The following BCKDHB variants were observed in gnomAD, a reference collection of about 807,000 sequenced individuals.
BCKDHB encodes the protein branched chain keto acid dehydrogenase E1 subunit beta.
A neutral mutation model predicts 48.5 loss-of-function variants in BCKDHB; 41 were observed. That is an observed-to-expected ratio of 0.85 (90% CI 0.66 to 1.10). The LOEUF is 1.10. BCKDHB is among the 50% of genes least tolerant of loss of function. The probability of loss-of-function intolerance (pLI) is 0.00; values close to 1 mark genes in which losing one functional copy is unlikely to be tolerated. For synonymous variants in BCKDHB, 201 were observed against 174.8 expected (o/e 1.15, Z -1.18); for missense variants, 496 against 494.2 (o/e 1.00, Z -0.03).
At chr6:80,225,940 C>T (rs1484535031) in intron 8 of BCKDHB, among the ~76,000 whole-genome samples, 4 of 152,132 alleles carry the variant, frequency 2.6e-5, no homozygotes, top group Non-Finnish European at 2.9e-5. Flanking sequence ...ATAATGTTAA[C>T]TGTGCTTTAT....
intron 6 of BCKDHB, among the ~76,000 whole-genome samples, chr6:80,187,830 G>C (rs1372580280): frequency 2.0e-4 from 30 of 152,178 alleles, no homozygotes; most frequent in Admixed American, 2.0e-3. Flanking sequence ...GAAATTAAGA[G>C]ATGCTGGTGA....
chr6:80,221,931 C>T (rs1228543914), intron 8 of BCKDHB, among the ~76,000 whole-genome samples: 2 of 152,084 alleles, frequency 1.3e-5, no homozygotes, highest in South Asian at 2.1e-4. Flanking sequence ...CTTCCAATGG[C>T]GTTTCCTAAT....
At chr6:80,405,653 G>C in the BCKDHB span, among the ~76,000 whole-genome samples, 1 of 151,838 alleles carries the variant, frequency 6.6e-6, no homozygotes, top group Non-Finnish European at 1.5e-5. Context: ...TTGCAGTGCA[G>C]TGGTATGCTT....
chr6:80,189,255 T>A (rs1304444449), intron 6 of BCKDHB, among the ~76,000 whole-genome samples: 1 of 152,216 alleles, frequency 6.6e-6, no homozygotes, highest in East Asian at 1.9e-4. Flanking sequence ...TTTTTCTTTT[T>A]GAATTGATCA....
chr6:80,438,040 G>T, the BCKDHB span, among the ~76,000 whole-genome samples: 1 of 152,132 alleles, frequency 6.6e-6, no homozygotes, highest in African/African-American at 2.4e-5. Context: ...TAATAGAAAG[G>T]ATGAAACTCT....
the BCKDHB span, among the ~76,000 whole-genome samples, chr6:80,460,276 T>C: frequency 1.3e-5 from 2 of 152,130 alleles, no homozygotes; most frequent in Non-Finnish European, 2.9e-5. Flanking sequence ...TTTAAGACAA[T>C]AATAAAATTG....
chr6:80,368,919 A>G, the BCKDHB span, among the ~76,000 whole-genome samples: 1 of 151,896 alleles, frequency 6.6e-6, no homozygotes, highest in Admixed American at 6.6e-5. Context: ...AGGCTGAGGC[A>G]GGAGAATCAT....
intron 3 of BCKDHB, among the ~76,000 whole-genome samples, chr6:80,166,489 T>G (rs752034920): frequency 6.6e-5 from 10 of 151,646 alleles, no homozygotes; most frequent in Non-Finnish European, 1.2e-4. Flanking sequence ...AACCCCGTCT[T>G]TCCTAAAAAT....
chr6:80,337,298 C>G (rs1198560300), intron 9 of BCKDHB, among the ~76,000 whole-genome samples: 1 of 152,056 alleles, frequency 6.6e-6, no homozygotes, highest in Non-Finnish European at 1.5e-5. Context: ...TCTGTGAGTT[C>G]ACGGACTTCA....
intron 8 of BCKDHB, among the ~76,000 whole-genome samples, chr6:80,223,584 C>T (rs1456920270): frequency 2.6e-5 from 4 of 151,954 alleles, no homozygotes; most frequent in African/African-American, 9.7e-5. Context: ...CCTTAGTATA[C>T]CATTAATTCT....
At chr6:80,212,975 C>T (rs1179640256) in intron 8 of BCKDHB, among the ~76,000 whole-genome samples, 1 of 152,158 alleles carries the variant, frequency 6.6e-6, no homozygotes, top group Non-Finnish European at 1.5e-5. Context: ...AGTTCTGTGA[C>T]AGCAGAAATT....
intron 9 of BCKDHB, among the ~76,000 whole-genome samples, chr6:80,290,803 G>T (rs1417132655): frequency 6.6e-6 from 1 of 152,238 alleles, no homozygotes; most frequent in African/African-American, 2.4e-5. Flanking sequence ...AGCCCCAAGG[G>T]CTGGTGGTTG....
At chr6:80,278,050 G>C (rs1022224052) in intron 9 of BCKDHB, among the ~76,000 whole-genome samples, 1 of 152,122 alleles carries the variant, frequency 6.6e-6, no homozygotes, top group African/African-American at 2.4e-5. Context: ...AGATCCTATA[G>C]GGTCTTGAAT....
the BCKDHB span, among the ~76,000 whole-genome samples, chr6:80,364,173 G>A: frequency 6.6e-6 from 1 of 152,192 alleles, no homozygotes; most frequent in South Asian, 2.1e-4. Flanking sequence ...GATTTACAGT[G>A]TGTATCACTT....
At chr6:80,410,113 C>T in the BCKDHB span, among the ~76,000 whole-genome samples, 1 of 152,120 alleles carries the variant, frequency 6.6e-6, no homozygotes, top group Non-Finnish European at 1.5e-5. Flanking sequence ...TTTAGTGCTT[C>T]CTTCAGGAGC....
At chr6:80,411,668 ATGG>A in the BCKDHB span, among the ~76,000 whole-genome samples, 1 of 152,186 alleles carries the variant, frequency 6.6e-6, no homozygotes, top group South Asian at 2.1e-4. Flanking sequence ...AGTCTCAGAA[ATGG>A]TGGACGCCCC....
chr6:80,288,612 A>G (rs1198291871), intron 9 of BCKDHB, among the ~76,000 whole-genome samples: 3 of 152,090 alleles, frequency 2.0e-5, no homozygotes, highest in Non-Finnish European at 4.4e-5. Context: ...GTATTTGCCA[A>G]CTGTGTAGAT....
chr6:80,157,214 T>G lies in BCKDHB; in HGVS notation c.344-10464T>G, dbSNP rs145160257. On this transcript the variant is annotated intron_variant, in intron 3 of 9. Coordinates refer to ENST00000320393, the MANE Select transcript of BCKDHB (RefSeq NM_183050.4). ...TCTCCTTTTCTGTCATTAAAAAAATTAATTTCTCTAATACATGGCTACCTA... is the reference window on the plus strand; with the variant it reads ...TCTCCTTTTCTGTCATTAAAAAAATGAATTTCTCTAATACATGGCTACCTA... Among the ~76,000 whole-genome samples, 265 of 152,214 alleles carry G rather than the reference T, an allele frequency of 1.7e-3. 1 individual carries two copies. Among genetic ancestry groups the G allele is most frequent in the African/African-American group, 6.0e-3 (251 of 41,524 alleles).
At chr6:80,157,529 G>C (rs1367176401) in intron 3 of BCKDHB, among the ~76,000 whole-genome samples, 1 of 138,198 alleles carries the variant, frequency 7.2e-6, no homozygotes, top group Admixed American at 8.6e-5. Context: ...GCAATGGCAC[G>C]ATCTTGGCTC....
Sources: allele counts gnomAD v4.1 joint callset (sites outside exome capture counted in the v4.1 genomes callset), GRCh38; gene constraint gnomAD v4.1.1; transcripts MANE v1.5; gene names NCBI Gene and HGNC (gene_info 2026-07-23, HGNC 2026-07-21).